The following DGKG variants were observed in gnomAD, a reference collection of about 807,000 sequenced individuals.
The protein encoded by DGKG is diacylglycerol kinase gamma.
DGKG carries 78 observed loss-of-function variants against 105.3 expected under a neutral mutation model. The observed-to-expected ratio is 0.74, with a 90% CI of 0.62 to 0.89. The LOEUF is 0.89. DGKG is among the 40% of genes least tolerant of loss of function. The pLI is 0.00. For missense variants in DGKG, 958 were observed against 1,020.1 expected (o/e 0.94, Z 0.83); for synonymous variants, 346 against 367.1 (o/e 0.94, Z 0.66).
At chr3:186,236,066 C>T (rs185141174) in intron 20 of DGKG, among the ~76,000 whole-genome samples, 241 of 152,324 alleles carry the variant, frequency 1.6e-3, no homozygotes, top group African/African-American at 5.5e-3. Context: ...AGATCCCCAA[C>T]CTCTGCCTCT....
At position 186,251,799 on chromosome 3, in the gene DGKG, A is replaced by T. The variant is rs777698007; in HGVS notation, c.1721T>A (p.Val574Asp). ...PREEVENGDQVPYSIMNNYFS... is the reference protein window; with the variant it reads ...PREEVENGDQDPYSIMNNYFS... ...ATAGTTGTTCATGATGCTGTATGGG[A>T]CCTGGTCCCCGTTTTCCACTTCCTC... Residue 574 changes from valine to aspartate, a missense_variant, in exon 19 of 25, where the codon GTC becomes GAC. Val to Asp is a radical substitution (Grantham distance 152, BLOSUM62 -3). Around this residue, in one of 2 missense-constraint regions of DGKG, gnomAD observed 315 missense variants for 400.6 expected, o/e 0.79. Coordinates refer to ENST00000265022, the MANE Select transcript of DGKG (RefSeq NM_001346.3). The T allele has an allele frequency of 6.2e-6, 10 of 1,614,116 alleles. No homozygotes were observed. The Admixed American group carries it at 1.2e-4, about 19-fold the overall frequency.
At chr3:186,353,214 C>T (rs937619820) in intron 1 of DGKG, among the ~76,000 whole-genome samples, 1 of 152,142 alleles carries the variant, frequency 6.6e-6, no homozygotes, top group African/African-American at 2.4e-5. Flanking sequence ...GTGACCCTTT[C>T]CTGACTCTCA....
At chr3:186,318,610 G>A (rs910974173) in intron 2 of DGKG, among the ~76,000 whole-genome samples, 34 of 152,254 alleles carry the variant, frequency 2.2e-4, no homozygotes, top group Admixed American at 5.9e-4. Context: ...AAGGTTGTGC[G>A]CCTAGGAAAG....
intron 22 of DGKG, among the ~76,000 whole-genome samples, chr3:186,180,405 T>C (rs1291897213): frequency 2.6e-5 from 4 of 152,160 alleles, no homozygotes; most frequent in African/African-American, 7.2e-5. Flanking sequence ...TATGTTGCCA[T>C]GGTTACTCCC....
chr3:186,147,374 A>T lies in DGKG; in HGVS notation c.*2716T>A, dbSNP rs1387219550. 2 of 979,286 alleles carry T rather than the reference A, an allele frequency of 2.0e-6. No homozygotes were observed. Among genetic ancestry groups the T allele is most frequent in the African/African-American group, 1.7e-5 (1 of 57,188 alleles). The allele number at this position is 979,286 out of a possible 1,614,324, so 60.7% of individuals were successfully genotyped here. A position where few individuals can be genotyped will look rare whatever the true frequency, so the allele number is the denominator to read the frequency against. On this transcript the variant is annotated 3_prime_UTR_variant, in exon 25 of 25. Coordinates refer to ENST00000265022, the MANE Select transcript of DGKG (RefSeq NM_001346.3). ...AACCTCATTAAGCCTTGTTCTCCTC[A>T]TTGAGATCGAGATAATAATACCTTC... is the stretch of plus-strand genomic sequence containing the variant.
chr3:186,274,643 T>C (rs1276081650), intron 10 of DGKG, among the ~76,000 whole-genome samples: 1 of 150,670 alleles, frequency 6.6e-6, no homozygotes, highest in Admixed American at 6.7e-5. Context: ...CGGTGTTTGG[T>C]TTTATGATCT....
chr3:186,193,310 C>T (rs1226255475), intron 21 of DGKG, among the ~76,000 whole-genome samples: 1 of 152,234 alleles, frequency 6.6e-6, no homozygotes, highest in South Asian at 2.1e-4. Flanking sequence ...TTCCTTACCC[C>T]TCTGAGGTTT....
chr3:186,170,484 C>T (rs946940389), intron 22 of DGKG, among the ~76,000 whole-genome samples: 2 of 152,108 alleles, frequency 1.3e-5, no homozygotes, highest in Admixed American at 1.3e-4. Flanking sequence ...GATTCTGAGG[C>T]GTACTTAAGT....
At position 186,210,728 on chromosome 3, in the gene DGKG, A is replaced by C; in HGVS notation, c.1917+1067T>G. 2.5e-6 allele frequency: 1 copy of C among 394,948 alleles called. No individual in the cohort carries two copies. Among genetic ancestry groups the C allele is most frequent in the Non-Finnish European group, 5.0e-6 (1 of 201,530 alleles). 24.5% of individuals were successfully genotyped at this position (394,948 alleles called of 1,614,324 possible). The stretch of plus-strand genomic sequence containing the variant: ...GGAGGCCCAGGCCCCACTGGACTGC[A>C]GTGCGGGCTTAGAGGCCAAGCTGGT... On this transcript the variant is annotated intron_variant, in intron 21 of 24. Coordinates refer to ENST00000265022, the MANE Select transcript of DGKG (RefSeq NM_001346.3). This position sits in a 1 kb window ranked among gnomAD's most constrained non-coding sequence, Gnocchi z 5.2.
At chr3:186,162,543 G>A (rs989674821) in intron 23 of DGKG, among the ~76,000 whole-genome samples, 3 of 152,096 alleles carry the variant, frequency 2.0e-5, no homozygotes, top group Admixed American at 2.0e-4. Flanking sequence ...CCTGGTTTTT[G>A]TTTTGTTTTG....
chr3:186,327,399 T>G (rs1312540319), intron 1 of DGKG, among the ~76,000 whole-genome samples: 1 of 150,878 alleles, frequency 6.6e-6, no homozygotes, highest in Non-Finnish European at 1.5e-5. Context: ...TCTTTTTTTT[T>G]TTTTTGAGGC....
intron 3 of DGKG, among the ~76,000 whole-genome samples, chr3:186,303,489 A>T (rs1724075421): frequency 6.6e-6 from 1 of 152,210 alleles, no homozygotes; most frequent in Non-Finnish European, 1.5e-5. Context: ...AGAGAACTAG[A>T]TGGAGAGCTT....
chr3:186,358,506 T>TTGTGTGTGTG lies in DGKG; in HGVS notation c.-249+3430_-249+3439dup, dbSNP rs142522791. Among the ~76,000 whole-genome samples the TTGTGTGTGTG allele has an allele frequency of 1.3e-4, 19 of 149,950 alleles. 1 individual carries two copies. The highest frequency in any genetic ancestry group is 1.7e-4 in the African/African-American group (7 of 40,684). On this transcript the variant is annotated intron_variant, in intron 1 of 24. Coordinates refer to ENST00000265022, the MANE Select transcript of DGKG (RefSeq NM_001346.3). ...GGCCAGTTTGTTTTCTTCTAACCCTTTGTGTGTGTGTGTGTGTGTTTTGTA... is the reference window on the plus strand; with the variant it reads ...GGCCAGTTTGTTTTCTTCTAACCCTTTGTGTGTGTGTGTGTGTGTGTGTGTGTGTTTTGTA...
chr3:186,188,188 C>T lies in DGKG; in HGVS notation c.2095+14G>A. On this transcript the variant is annotated intron_variant, in intron 22 of 24. Transcript: ENST00000265022. ...GGCATTGACCTAAAACAATTATCCTCATTCCTGGCTTACCTTGAACGCAGA... is the reference window on the plus strand; with the variant it reads ...GGCATTGACCTAAAACAATTATCCTTATTCCTGGCTTACCTTGAACGCAGA... The T allele has an allele frequency of 3.7e-6, 6 of 1,614,016 alleles. No homozygotes were observed. The highest frequency in any genetic ancestry group is 5.1e-6 in the Non-Finnish European group (6 of 1,179,926).
intron 3 of DGKG, among the ~76,000 whole-genome samples, chr3:186,299,822 TTTC>T (rs1723809756): frequency 9.2e-6 from 1 of 109,260 alleles, no homozygotes; most frequent in South Asian, 3.1e-4. Context: ...TCTTTCTTTC[TTTC>T]TTTCTTTCTT....
intron 24 of DGKG, among the ~76,000 whole-genome samples, chr3:186,154,923 G>T (rs1715960868): frequency 6.6e-6 from 1 of 152,084 alleles, no homozygotes; most frequent in Non-Finnish European, 1.5e-5. Flanking sequence ...AGGTTATGTA[G>T]ATGCATACTC....
In DGKG at chr3:186,161,672, C is replaced by A. The variant is rs374848985; in HGVS notation, c.2217-9G>T. 6.2e-7 allele frequency: 1 copy of A among 1,614,150 alleles called. No individual in the cohort carries two copies. The highest frequency in any genetic ancestry group is 8.5e-7 in the Non-Finnish European group (1 of 1,180,016). On this transcript the variant is annotated splice_polypyrimidine_tract_variant and intron_variant, in intron 23 of 24. Transcript: ENST00000265022. ...GCAGCAGCTTGTTTGTCCTGGAACC[C>A]AGAACACCAAGAGAACACAGTGAGC...
chr3:186,172,808 G>T (rs1243392030), intron 22 of DGKG, among the ~76,000 whole-genome samples: 1 of 152,244 alleles, frequency 6.6e-6, no homozygotes, highest in Non-Finnish European at 1.5e-5. Flanking sequence ...TGTCATTTAG[G>T]GTAGGTCATT....
At chr3:186,334,621 C>T (rs1194237568) in intron 1 of DGKG, among the ~76,000 whole-genome samples, 1 of 152,210 alleles carries the variant, frequency 6.6e-6, no homozygotes, top group East Asian at 1.9e-4. Flanking sequence ...TATTCAGTAA[C>T]CTTTACAATG....
Sources: allele counts gnomAD v4.1 joint callset (sites outside exome capture counted in the v4.1 genomes callset), GRCh38; gene constraint gnomAD v4.1.1; regional missense constraint gnomAD v4.1.1; non-coding constraint Gnocchi (gnomAD v3.1); transcripts MANE v1.5; gene names NCBI Gene and HGNC (gene_info 2026-07-23, HGNC 2026-07-21).